The following PDE6H variants were observed in gnomAD, a reference collection of about 807,000 sequenced individuals.
The protein encoded by PDE6H is phosphodiesterase 6H, also known as retinal cone rhodopsin-sensitive cGMP 3',5'-cyclic phosphodiesterase subunit gamma.
Under a neutral mutation model 9.2 loss-of-function variants are expected in PDE6H, and 11 were observed. That is an observed-to-expected ratio of 1.19 (90% CI 0.75 to 1.97). The LOEUF is 1.97. Ranked by LOEUF, PDE6H falls within the 30% of genes most tolerant of loss-of-function variation. The pLI, the probability that PDE6H is intolerant of heterozygous loss-of-function variation, is 0.00. For missense variants in PDE6H, 98 were observed against 101.5 expected (o/e 0.97, Z 0.15); for synonymous variants, 36 against 33.6 (o/e 1.07, Z -0.25).
intron 2 of PDE6H, among the ~76,000 whole-genome samples, chr12:14,978,448 G>A (rs1231958260): frequency 6.6e-6 from 1 of 152,130 alleles, no homozygotes; most frequent in African/African-American, 2.4e-5. Flanking sequence ...CAACCTCTAC[G>A]TTAATCTGTA....
At chr12:14,977,472 A>G (rs79830683) in intron 1 of PDE6H, among the ~76,000 whole-genome samples, 2,450 of 152,300 alleles carry the variant, frequency 0.016, 68 homozygotes, top group African/African-American at 0.056. Context: ...CACTGAGTCC[A>G]TTTTCCTCTC....
chr12:14,978,894 A>G (rs540328095), intron 2 of PDE6H, among the ~76,000 whole-genome samples: 1 of 152,310 alleles, frequency 6.6e-6, no homozygotes, highest in African/African-American at 2.4e-5. Flanking sequence ...TTTTATTATA[A>G]AAAGTGAAAC....
chr12:14,977,971 G>A lies in PDE6H; in HGVS notation c.-41-1G>A. 1 of 1,601,786 alleles carries A rather than the reference G, an allele frequency of 6.2e-7. No homozygotes were observed. The highest frequency in any genetic ancestry group is 8.5e-7 in the Non-Finnish European group (1 of 1,170,058). On this transcript the variant is annotated splice_acceptor_variant, in intron 1 of 3. Coordinates refer to ENST00000266395, the MANE Select transcript of PDE6H (RefSeq NM_006205.3). LOFTEE classifies it low-confidence loss of function (5UTR_SPLICE). ...CTTTTTTTTATCTTTCACTGTCTAA[G>A]GAGGCTGAAAGGGAAACATCAGCCG... is the stretch of plus-strand genomic sequence containing the variant.
At position 14,981,603 on chromosome 12, in the gene PDE6H, C is replaced by T. The variant is rs1864685961; in HGVS notation, c.*127C>T. ...GTTTCTTTGACTTTCAAGGTCATTC[C>T]CTATCAGTTACTACTAAGAGTTCTC... On this transcript the variant is annotated 3_prime_UTR_variant, in exon 4 of 4. Coordinates refer to ENST00000266395, the MANE Select transcript of PDE6H (RefSeq NM_006205.3). 2 of 721,150 alleles carry T rather than the reference C, an allele frequency of 2.8e-6. No homozygotes were observed. The highest frequency in any genetic ancestry group is 2.0e-5 in the Admixed American group (1 of 50,234). The allele number at this position is 721,150 out of a possible 1,614,324, so 44.7% of individuals were successfully genotyped here. A position where few individuals can be genotyped will look rare whatever the true frequency, so the allele number is the denominator to read the frequency against.
At chr12:14,975,645 C>T (rs1864581126) in intron 1 of PDE6H, among the ~76,000 whole-genome samples, 1 of 151,944 alleles carries the variant, frequency 6.6e-6, no homozygotes, top group Non-Finnish European at 1.5e-5. Flanking sequence ...TGCCTGTCTA[C>T]CGGGGGTAGA....
intron 1 of PDE6H, among the ~76,000 whole-genome samples, chr12:14,975,010 T>C (rs374846086): frequency 9.5e-4 from 144 of 152,320 alleles, no homozygotes; most frequent in African/African-American, 3.3e-3. Flanking sequence ...ATTTTATAGA[T>C]GGAATAAGAC....
chr12:14,980,909 G>A (rs763881964), intron 3 of PDE6H, among the ~76,000 whole-genome samples: 6 of 152,196 alleles, frequency 3.9e-5, no homozygotes, highest in African/African-American at 4.8e-5. Context: ...CTTTGTGATC[G>A]TTTCTCAATA....
intron 1 of PDE6H, among the ~76,000 whole-genome samples, chr12:14,977,538 C>T (rs1448493179): frequency 6.6e-5 from 10 of 152,144 alleles, no homozygotes; most frequent in African/African-American, 1.9e-4. Flanking sequence ...AATAAATTCA[C>T]GTAGAATGCT....
chr12:14,979,788 A>T (rs1195603944), intron 3 of PDE6H, among the ~76,000 whole-genome samples: 1 of 152,230 alleles, frequency 6.6e-6, no homozygotes. Context: ...GAATGCAATC[A>T]CTGCATATTT....
At chr12:14,977,005 G>A (rs1476298113) in intron 1 of PDE6H, among the ~76,000 whole-genome samples, 1 of 152,172 alleles carries the variant, frequency 6.6e-6, no homozygotes, top group East Asian at 1.9e-4. Flanking sequence ...CATTTCTGTA[G>A]CCAAATTAAA....
intron 1 of PDE6H, among the ~76,000 whole-genome samples, chr12:14,973,817 C>A (rs985467248): frequency 6.6e-6 from 1 of 152,084 alleles, no homozygotes; most frequent in African/African-American, 2.4e-5. Context: ...AAAAAGAGAA[C>A]TGGAAGTGTA....
At chr12:14,977,920 A>G (rs1478259026) in intron 1 of PDE6H, 52 bp from the exon 2 acceptor site, 94 of 1,240,128 alleles carry the variant, frequency 7.6e-5, no homozygotes, top group Non-Finnish European at 1.0e-4. Context: ...CTAATAACCA[A>G]TGGTCCCCAT....
intron 1 of PDE6H, among the ~76,000 whole-genome samples, chr12:14,976,074 C>A (rs1565471533): frequency 6.6e-6 from 1 of 152,144 alleles, no homozygotes; most frequent in Non-Finnish European, 1.5e-5. Flanking sequence ...CCCGCCTCGG[C>A]CTCCCAAAGT....
chr12:14,975,812 GTTT>G (rs369211334), intron 1 of PDE6H, among the ~76,000 whole-genome samples: 3 of 120,148 alleles, frequency 2.5e-5, no homozygotes, highest in Non-Finnish European at 4.9e-5. Context: ...AATTTCTTTT[GTTT>G]TTTTTTTTTG....
At chr12:14,974,672 A>G (rs1864566078) in intron 1 of PDE6H, among the ~76,000 whole-genome samples, 1 of 152,242 alleles carries the variant, frequency 6.6e-6, no homozygotes, top group African/African-American at 2.4e-5. Flanking sequence ...TGTCAAAGGA[A>G]TTCAAGGAAA....
At position 14,979,126 on chromosome 12, in the gene PDE6H, C is replaced by T; in HGVS notation, c.135-53C>T. ...AAGAAACTCTCCATGTGAGTGACTC[C>T]AAAATTCTTTTGCTCTAATCTCAGC... On this transcript the variant is annotated intron_variant, in intron 2 of 3. Coordinates refer to ENST00000266395, the MANE Select transcript of PDE6H (RefSeq NM_006205.3). The T allele has an allele frequency of 4.7e-6, 6 of 1,281,622 alleles. No homozygotes were observed. In the South Asian group the frequency reaches 7.3e-5, roughly 16 times the overall value. 79.4% of individuals were successfully genotyped at this position (1,281,622 alleles called of 1,614,324 possible).
chr12:14,976,884 T>C (rs1281682454), intron 1 of PDE6H, among the ~76,000 whole-genome samples: 1 of 152,142 alleles, frequency 6.6e-6, no homozygotes, highest in African/African-American at 2.4e-5. Flanking sequence ...TGTTAACTCT[T>C]ACGAAAGAAA....
intron 2 of PDE6H, 110 bp downstream of exon 2, chr12:14,978,256 C>G: frequency 1.1e-6 from 1 of 903,748 alleles, no homozygotes; most frequent in Non-Finnish European, 1.8e-6. Flanking sequence ...ACAAAAATTT[C>G]CACTCCATCC....
intron 3 of PDE6H, 143 bp downstream of exon 3, chr12:14,979,362 A>G (rs1864647188): frequency 1.4e-6 from 1 of 697,410 alleles, no homozygotes; most frequent in Non-Finnish European, 2.6e-6. Context: ...TGGGGATTTA[A>G]TTTACCCTCG....
Sources: allele counts gnomAD v4.1 joint callset (sites outside exome capture counted in the v4.1 genomes callset), GRCh38; gene constraint gnomAD v4.1.1; transcripts MANE v1.5; gene names NCBI Gene and HGNC (gene_info 2026-07-23, HGNC 2026-07-21).